SETBP1: variants seen among roughly 807,000 people sequenced by gnomAD.
SETBP1 encodes the protein SET-binding protein.
A neutral mutation model predicts 101.0 loss-of-function variants in SETBP1; 9 were observed. The observed-to-expected ratio is 0.09, with a 90% CI of 0.05 to 0.16. SETBP1 has a LOEUF of 0.16. Among genes scored for constraint, SETBP1 ranks in the 10% least tolerant of loss-of-function variants. SETBP1 has a pLI of 1.00. For synonymous variants in SETBP1, 818 were observed against 788.5 expected (o/e 1.04, Z -0.63); for missense variants, 1,858 against 2,033.8 (o/e 0.91, Z 1.66).
At chr18:44,851,727 C>T (rs1313540484) in intron 2 of SETBP1, among the ~76,000 whole-genome samples, 2 of 152,126 alleles carry the variant, frequency 1.3e-5, no homozygotes, top group African/African-American at 2.4e-5. Context: ...TGTTAGAATC[C>T]TTCATGAGTC....
intron 1 of SETBP1, among the ~76,000 whole-genome samples, chr18:44,686,095 C>T (rs554020466): frequency 6.6e-6 from 1 of 152,334 alleles, no homozygotes; most frequent in South Asian, 2.1e-4. Flanking sequence ...GAATTTCTAG[C>T]CCCTCTAAAG....
chr18:44,843,439 C>T (rs905978570), intron 2 of SETBP1, among the ~76,000 whole-genome samples: 4 of 152,262 alleles, frequency 2.6e-5, no homozygotes, highest in African/African-American at 7.2e-5. Flanking sequence ...ACTGCCCTCA[C>T]AGGACTTGTG....
chr18:44,699,323 C>T (rs1371743831), intron 1 of SETBP1, among the ~76,000 whole-genome samples: 2 of 152,128 alleles, frequency 1.3e-5, no homozygotes, highest in Non-Finnish European at 2.9e-5. Flanking sequence ...GGATTCTTAC[C>T]GCTTGACAAA....
At chr18:44,785,318 A>G (rs2071216892) in intron 2 of SETBP1, among the ~76,000 whole-genome samples, 1 of 152,110 alleles carries the variant, frequency 6.6e-6, no homozygotes, top group African/African-American at 2.4e-5. Flanking sequence ...TGTTCCCTCT[A>G]AGTTCAGCCC....
At chr18:44,871,651 G>C (rs991776494) in intron 3 of SETBP1, 2 of 152,186 alleles carry the variant, frequency 1.3e-5, no homozygotes, top group African/African-American at 4.8e-5. Flanking sequence ...CTTTTCTGTT[G>C]ATTTGTCTCT....
In SETBP1 at chr18:44,784,371, A is replaced by G. The variant is rs145698302; in HGVS notation, c.486+82539A>G. ...GGCTATTCTTGCCTTTCTGTTCTTT[A>G]GACAAGCCTGGCCCAGTGCCTCCCC... is the stretch of plus-strand genomic sequence containing the variant. On this transcript the variant is annotated intron_variant, in intron 2 of 5. Coordinates refer to ENST00000649279, the MANE Select transcript of SETBP1 (RefSeq NM_015559.3). Among the ~76,000 whole-genome samples the G allele has an allele frequency of 1.3e-3, 202 of 151,998 alleles. 1 individual carries two copies. Among genetic ancestry groups the G allele is most frequent in the East Asian group, 0.013 (68 of 5,168 alleles).
At chr18:44,947,745 A>T (rs1349905424) in intron 3 of SETBP1, among the ~76,000 whole-genome samples, 1 of 152,146 alleles carries the variant, frequency 6.6e-6, no homozygotes, top group Non-Finnish European at 1.5e-5. Flanking sequence ...ACCTCAGGTG[A>T]TCTGCCCGCC....
At position 44,806,962 on chromosome 18, in the gene SETBP1, C is replaced by A. The variant is rs116386808; in HGVS notation, c.487-62268C>A. Among the ~76,000 whole-genome samples the A allele has an allele frequency of 5.5e-3, 841 of 152,088 alleles. 11 individuals carry two copies. Among genetic ancestry groups the A allele is most frequent in the African/African-American group, 0.02 (811 of 41,486 alleles). ...ACATGTAGATTTACCCAGCCTGAAC[C>A]AGCAGCTTCCATTTCAGGATTCCAT... On this transcript the variant is annotated intron_variant, in intron 2 of 5. Transcript: ENST00000649279.
At chr18:45,035,143 C>T (rs1459988623) in intron 4 of SETBP1, among the ~76,000 whole-genome samples, 1 of 152,168 alleles carries the variant, frequency 6.6e-6, no homozygotes, top group East Asian at 1.9e-4. Context: ...CACCTCTGCC[C>T]TCAGATAGAT....
chr18:45,028,378 T>G (rs1454597051), intron 4 of SETBP1, among the ~76,000 whole-genome samples: 1 of 152,102 alleles, frequency 6.6e-6, no homozygotes, highest in Non-Finnish European at 1.5e-5. Context: ...CCATGGTGTA[T>G]ATGTGCCACA....
chr18:44,705,673 C>A (rs145422290), intron 2 of SETBP1, among the ~76,000 whole-genome samples: 143 of 152,202 alleles, frequency 9.4e-4, no homozygotes, highest in African/African-American at 3.3e-3. Context: ...CTGTGTGATA[C>A]GGGTAGCATG....
chr18:44,919,651 T>C (rs1269930626), intron 3 of SETBP1, among the ~76,000 whole-genome samples: 1 of 151,714 alleles, frequency 6.6e-6, no homozygotes, highest in Non-Finnish European at 1.5e-5. Flanking sequence ...CCCGGCTAGA[T>C]CCCCCCGTCT....
intron 2 of SETBP1, among the ~76,000 whole-genome samples, chr18:44,708,918 G>A (rs1185116018): frequency 6.6e-6 from 1 of 152,144 alleles, no homozygotes; most frequent in African/African-American, 2.4e-5. Flanking sequence ...TTTGACCTCT[G>A]TTTGGACCCA....
chr18:44,885,110 T>A (rs1026620206), intron 3 of SETBP1, among the ~76,000 whole-genome samples: 1 of 152,138 alleles, frequency 6.6e-6, no homozygotes, highest in Non-Finnish European at 1.5e-5. Context: ...CCACCTTAGA[T>A]TTTCATGATA....
intron 4 of SETBP1, among the ~76,000 whole-genome samples, chr18:45,005,016 G>A (rs1185080202): frequency 6.6e-6 from 1 of 152,214 alleles, no homozygotes; most frequent in Non-Finnish European, 1.5e-5. Context: ...GTAAATAGTA[G>A]AAGAAGCCAA....
At chr18:44,696,691 C>T (rs2069023552) in intron 1 of SETBP1, among the ~76,000 whole-genome samples, 1 of 152,168 alleles carries the variant, frequency 6.6e-6, no homozygotes, top group African/African-American at 2.4e-5. Context: ...GGCAAAATTA[C>T]AAAGTGTTAA....
intron 4 of SETBP1, among the ~76,000 whole-genome samples, chr18:44,995,647 A>G (rs557574820): frequency 6.6e-6 from 1 of 152,074 alleles, no homozygotes; most frequent in African/African-American, 2.4e-5. Flanking sequence ...TAAAGAACAG[A>G]AATTTATTTA....
At chr18:44,926,904 A>G (rs1328718967) in intron 3 of SETBP1, among the ~76,000 whole-genome samples, 1 of 152,150 alleles carries the variant, frequency 6.6e-6, no homozygotes, top group African/African-American at 2.4e-5. Flanking sequence ...GAGGTTCTAT[A>G]GGTAAGAAAG....
At chr18:45,026,195 A>G (rs1599464012) in intron 4 of SETBP1, among the ~76,000 whole-genome samples, 1 of 152,348 alleles carries the variant, frequency 6.6e-6, no homozygotes, top group East Asian at 1.9e-4. Flanking sequence ...AGCTTGTATC[A>G]CATCTGGCAT....
Sources: allele counts gnomAD v4.1 joint callset (sites outside exome capture counted in the v4.1 genomes callset), GRCh38; gene constraint gnomAD v4.1.1; transcripts MANE v1.5; gene names NCBI Gene and HGNC (gene_info 2026-07-23, HGNC 2026-07-21).